The following HADHA variants were observed in gnomAD, a reference collection of about 807,000 sequenced individuals.
HADHA encodes the protein trifunctional enzyme subunit alpha, mitochondrial.
Under a neutral mutation model 91.3 loss-of-function variants are expected in HADHA, and 59 were observed. The ratio of observed to expected loss-of-function variants is 0.65; its 90% confidence interval spans 0.52 to 0.80. HADHA has a LOEUF of 0.80. Ranked by LOEUF, HADHA falls within the 30% of genes least tolerant of loss-of-function variation. HADHA has a pLI of 0.00. For synonymous variants in HADHA, 320 were observed against 338.9 expected (o/e 0.94, Z 0.61); for missense variants, 800 against 927.6 (o/e 0.86, Z 1.79).
At chr2:26,238,628 T>C (rs1670817700) in intron 3 of HADHA, among the ~76,000 whole-genome samples, 1 of 152,240 alleles carries the variant, frequency 6.6e-6, no homozygotes, top group African/African-American at 2.4e-5. Context: ...AGGCAAATTT[T>C]GAGTCTTATA....
intron 1 of HADHA, among the ~76,000 whole-genome samples, chr2:26,241,687 C>T (rs1670895877): frequency 6.6e-6 from 1 of 151,682 alleles, no homozygotes. Context: ...AACAAAAAAA[C>T]CATCTATTAA....
At chr2:26,203,862 C>A (rs991583718) in intron 12 of HADHA, among the ~76,000 whole-genome samples, 200 bp downstream of exon 12, 1 of 152,118 alleles carries the variant, frequency 6.6e-6, no homozygotes, top group Non-Finnish European at 1.5e-5. Flanking sequence ...AAAACGAAGT[C>A]AAAGAAGGAA....
Position 26,227,331 on chromosome 2 carries a change from G to A in HADHA, c.676+2861C>T, listed in dbSNP as rs369329135. 8.5e-5 allele frequency among the ~76,000 whole-genome samples: 13 copies of A among 152,140 alleles called. No individual in the cohort carries two copies. The South Asian group carries it at 2.1e-3, about 24-fold the overall frequency. ...GTTTGAGACCAGCCCTGACAACATGGTAAAACCCGATCTCTACTAAAAATA... is the reference window on the plus strand; with the variant it reads ...GTTTGAGACCAGCCCTGACAACATGATAAAACCCGATCTCTACTAAAAATA... On this transcript the variant is annotated intron_variant, in intron 7 of 19. Coordinates refer to ENST00000380649, the MANE Select transcript of HADHA (RefSeq NM_000182.5).
At chr2:26,239,072 G>T in intron 2 of HADHA, 30 bp downstream of exon 2, 1 of 1,577,546 alleles carries the variant, frequency 6.3e-7, no homozygotes. Context: ...AGCAATGTAA[G>T]CATACACATT....
chr2:26,215,314 T>C, intron 7 of HADHA, 139 bp from the exon 8 acceptor site: 1 of 777,974 alleles, frequency 1.3e-6, no homozygotes, highest in Non-Finnish European at 2.3e-6. Flanking sequence ...GGCAAAGTCA[T>C]AAACCAAGAA....
chr2:26,243,602 C>A (rs972771014), intron 1 of HADHA, among the ~76,000 whole-genome samples: 3 of 152,008 alleles, frequency 2.0e-5, no homozygotes, highest in Non-Finnish European at 4.4e-5. Flanking sequence ...AAAAAGCATA[C>A]TACTTCAGCG....
intron 17 of HADHA, among the ~76,000 whole-genome samples, chr2:26,192,661 G>A (rs1483281250): frequency 6.6e-6 from 1 of 151,974 alleles, no homozygotes; most frequent in Non-Finnish European, 1.5e-5. Context: ...CAGGAGGATC[G>A]CTTGAACCCG....
In HADHA at chr2:26,191,644, G is replaced by A; in HGVS notation, c.2001-16C>T. ...GTCTGATGAGCTGCCAACAGAAAGA[G>A]ATGTTTAGGTAGAAGAAGAGGAAAA... On this transcript the variant is annotated splice_polypyrimidine_tract_variant and intron_variant, in intron 18 of 19. Transcript: ENST00000380649. 1 of 1,613,728 alleles carries A rather than the reference G, an allele frequency of 6.2e-7. No individual in the cohort carries two copies. Among genetic ancestry groups the A allele is most frequent in the Non-Finnish European group, 8.5e-7 (1 of 1,179,674 alleles).
chr2:26,211,270 T>C (rs916234196), intron 10 of HADHA, among the ~76,000 whole-genome samples: 5 of 152,162 alleles, frequency 3.3e-5, no homozygotes, highest in Non-Finnish European at 7.4e-5. Flanking sequence ...TTTTAAAAAA[T>C]CAGAAATGCC....
intron 13 of HADHA, among the ~76,000 whole-genome samples, chr2:26,199,786 T>C (rs767494761): frequency 6.6e-5 from 10 of 152,214 alleles, no homozygotes; most frequent in Non-Finnish European, 5.9e-5. Context: ...TTTGTTCTCT[T>C]GGAAGCCTGC....
At chr2:26,195,823 C>T (rs1316491642) in intron 14 of HADHA, among the ~76,000 whole-genome samples, 5 of 152,150 alleles carry the variant, frequency 3.3e-5, no homozygotes, top group Non-Finnish European at 7.3e-5. Context: ...TCAGGCCTAG[C>T]CCAGCCCTAC....
intron 1 of HADHA, 74 bp downstream of exon 1, chr2:26,244,456 C>CCTCTGT (rs1671023775): frequency 1.0e-5 from 15 of 1,453,184 alleles, no homozygotes; most frequent in African/African-American, 1.4e-5. Flanking sequence ...GAAAGGGAGA[C>CCTCTGT]GCGGCTCCGG....
intron 11 of HADHA, among the ~76,000 whole-genome samples, chr2:26,209,035 C>T (rs1163031609): frequency 1.3e-5 from 2 of 152,186 alleles, no homozygotes; most frequent in African/African-American, 2.4e-5. Context: ...AGCTGAACCT[C>T]AGGACTACTG....
intron 3 of HADHA, among the ~76,000 whole-genome samples, chr2:26,237,642 T>C (rs1265952766): frequency 6.6e-6 from 1 of 152,052 alleles, no homozygotes; most frequent in Admixed American, 6.6e-5. Context: ...AAAAACCATA[T>C]AGTATGATCT....
At position 26,197,763 on chromosome 2, in the gene HADHA, G is replaced by A. The variant is rs776013887; in HGVS notation, c.1407C>T (p.His469=). The part of the protein sequence containing the change: ...LKEVEAVIPD[H]CIFASNTSAL... ...CAGATGTGTTACTGGCAAAGATACA[G>A]TGATCTGGAATCACCTGCAGGGGAA... The change falls in exon 14 of 20, where the codon CAC becomes CAT. Residue 469 remains histidine (H), a synonymous_variant. Transcript: ENST00000380649. 31 of 1,524,820 alleles carry A rather than the reference G, an allele frequency of 2.0e-5. No individual in the cohort carries two copies. The highest frequency in any genetic ancestry group is 2.8e-5 in the Non-Finnish European group (31 of 1,098,298). The allele number at this position is 1,524,820 out of a possible 1,614,324, so 94.5% of individuals were successfully genotyped here.
intron 16 of HADHA, among the ~76,000 whole-genome samples, chr2:26,194,281 G>A (rs1421907031): frequency 6.6e-6 from 1 of 152,198 alleles, no homozygotes; most frequent in Non-Finnish European, 1.5e-5. Flanking sequence ...GATGGTCCCT[G>A]CCTCAGAGAG....
intron 18 of HADHA, 32 bp downstream of exon 18, chr2:26,192,278 T>C: frequency 8.9e-7 from 1 of 1,125,582 alleles, no homozygotes; most frequent in Non-Finnish European, 1.4e-6. Flanking sequence ...AGAAAGTCAA[T>C]TTCCAGGCAT....
At chr2:26,241,107 G>C (rs1670877121) in intron 1 of HADHA, among the ~76,000 whole-genome samples, 1 of 152,156 alleles carries the variant, frequency 6.6e-6, no homozygotes, top group Admixed American at 6.6e-5. Flanking sequence ...CAGCAAAGTA[G>C]AGAGAAACCT....
chr2:26,193,768 C>T lies in HADHA; in HGVS notation c.1694G>A (p.Gly565Glu). 3 of 1,614,012 alleles carry T rather than the reference C, an allele frequency of 1.9e-6. 1 individual carries two copies. The highest frequency in any genetic ancestry group is 2.5e-6 in the Non-Finnish European group (3 of 1,179,864). The part of the protein sequence containing the change: ...MSEVIRILQE[G>E]VDPKKLDSLT... ...GGAATCCAGCTTCTTCGGGTCAACT[C>T]CTTCCTGAACAGGAAGCGATGCAGG... is the stretch of plus-strand genomic sequence containing the variant. Residue 565 changes from glycine to glutamate, a missense_variant, in exon 17 of 20, where the codon GGA becomes GAA. Physicochemically the swap from Gly to Glu is moderately conservative, Grantham distance 98. Transcript: ENST00000380649.
Sources: allele counts gnomAD v4.1 joint callset (sites outside exome capture counted in the v4.1 genomes callset), GRCh38; gene constraint gnomAD v4.1.1; transcripts MANE v1.5; gene names NCBI Gene and HGNC (gene_info 2026-07-23, HGNC 2026-07-21).